Variants in TMTC2 observed in about 807,000 individuals in gnomAD.
TMTC2 encodes the protein protein O-mannosyl-transferase TMTC2.
In TMTC2, 43 loss-of-function variants were observed where a neutral mutation model predicts 82.4. The observed-to-expected ratio is 0.52, with a 90% CI of 0.41 to 0.67. TMTC2 has a LOEUF of 0.67. Ranked by LOEUF, TMTC2 falls within the 30% of genes least tolerant of loss-of-function variation. The pLI is 0.00. For missense variants in TMTC2, 919 were observed against 1,012.4 expected (o/e 0.91, Z 1.25); for synonymous variants, 408 against 381.9 (o/e 1.07, Z -0.80).
chr12:82,701,589 TAA>T (rs763176928), intron 1 of TMTC2, among the ~76,000 whole-genome samples: 20 of 91,878 alleles, frequency 2.2e-4, no homozygotes, highest in Admixed American at 3.7e-4. Flanking sequence ...CCGTCTTTAC[TAA>T]AAAAAAAAAA....
chr12:82,965,484 T>C, intron 5 of TMTC2, 76 bp from the exon 6 acceptor site: 2 of 1,517,754 alleles, frequency 1.3e-6, no homozygotes, highest in East Asian at 2.3e-5. Context: ...AGAAACCAAA[T>C]TGAAACAAAG....
chr12:83,085,031 T>G (rs1162117347), intron 11 of TMTC2, among the ~76,000 whole-genome samples: 1 of 152,056 alleles, frequency 6.6e-6, no homozygotes, highest in Non-Finnish European at 1.5e-5. Flanking sequence ...AGGTCCAGAG[T>G]GTTGACTGCA....
intron 1 of TMTC2, among the ~76,000 whole-genome samples, chr12:82,830,221 T>C (rs888713579): frequency 6.6e-6 from 1 of 152,196 alleles, no homozygotes; most frequent in African/African-American, 2.4e-5. Context: ...CAAATTAAAC[T>C]GCATTGTCTC....
At position 83,046,441 on chromosome 12, in the gene TMTC2, G is replaced by T. The variant is rs548051068; in HGVS notation, c.2153-4463G>T. On this transcript the variant is annotated intron_variant, in intron 9 of 11. Transcript: ENST00000321196. ...GGTTGGTGCCTTGCTCTCTATTTTA[G>T]TTCAAGTCCTCCAGGTCATTCTGTT... 1.1e-4 allele frequency among the ~76,000 whole-genome samples: 16 copies of T among 152,222 alleles called. No individual in the cohort carries two copies. In the East Asian group the frequency reaches 2.9e-3, roughly 28 times the overall value.
At chr12:82,709,004 G>A (rs574734919) in intron 1 of TMTC2, among the ~76,000 whole-genome samples, 10 of 151,952 alleles carry the variant, frequency 6.6e-5, no homozygotes, top group Non-Finnish European at 1.0e-4. Flanking sequence ...TGACAGACTC[G>A]TCTTCATGCT....
chr12:82,730,043 A>G (rs1253059166), intron 1 of TMTC2, among the ~76,000 whole-genome samples: 1 of 152,152 alleles, frequency 6.6e-6, no homozygotes, highest in Non-Finnish European at 1.5e-5. Context: ...ATATCTGAAC[A>G]TCAGAAGGAA....
chr12:82,937,750 GTATATATATA>G lies in TMTC2; in HGVS notation c.1598+7242_1598+7251del, dbSNP rs1162321741. 6.2e-3 allele frequency among the ~76,000 whole-genome samples: 661 copies of G among 105,868 alleles called. 9 individuals carry two copies. Among genetic ancestry groups the G allele is most frequent in the Non-Finnish European group, 8.8e-3 (473 of 53,778 alleles). 69.5% of individuals were successfully genotyped at this position (105,868 alleles called of 152,430 possible). A position where few individuals can be genotyped will look rare whatever the true frequency, so the allele number is the denominator to read the frequency against. On this transcript the variant is annotated intron_variant, in intron 4 of 11. Transcript: ENST00000321196. Reference sequence around the variant, plus strand: ...TGTGGATGTGTGTGTGTGTGTGTGTGTATATATATATATATATATATATATATATATATAT... The same window carrying G: ...TGTGGATGTGTGTGTGTGTGTGTGTGTATATATATATATATATATATATAT...
intron 8 of TMTC2, among the ~76,000 whole-genome samples, chr12:82,997,175 T>TCTC (rs150688624): frequency 2.6e-5 from 3 of 114,510 alleles, no homozygotes; most frequent in Non-Finnish European, 5.0e-5. Flanking sequence ...TCTCTCTCTC[T>TCTC]CCCACCCCTC....
At chr12:82,727,621 T>C (rs1009551521) in intron 1 of TMTC2, among the ~76,000 whole-genome samples, 1 of 151,786 alleles carries the variant, frequency 6.6e-6, no homozygotes, top group Non-Finnish European at 1.5e-5. Context: ...CTCGGGAGGC[T>C]GAGCCAGGAG....
At chr12:83,091,100 C>A (rs985371146) in intron 11 of TMTC2, among the ~76,000 whole-genome samples, 1 of 152,184 alleles carries the variant, frequency 6.6e-6, no homozygotes, top group Admixed American at 6.5e-5. Flanking sequence ...GCACATCATA[C>A]TTTGCCCTCA....
At chr12:82,929,884 C>T (rs1875932980) in intron 3 of TMTC2, among the ~76,000 whole-genome samples, 1 of 152,106 alleles carries the variant, frequency 6.6e-6, no homozygotes, top group African/African-American at 2.4e-5. Context: ...GGGAAGTGAG[C>T]TCATAAGCAG....
chr12:82,946,683 G>A (rs1200411495), intron 4 of TMTC2, among the ~76,000 whole-genome samples: 1 of 151,976 alleles, frequency 6.6e-6, no homozygotes, highest in Non-Finnish European at 1.5e-5. Context: ...GACAGATGGA[G>A]CCTTGTTCTA....
chr12:82,764,687 G>A (rs899483762), intron 1 of TMTC2, among the ~76,000 whole-genome samples: 46 of 152,196 alleles, frequency 3.0e-4, no homozygotes, highest in Admixed American at 1.5e-3. Context: ...ACACCACGCC[G>A]GGGAGACAGG....
chr12:82,694,296 C>T (rs1872698721), intron 1 of TMTC2, among the ~76,000 whole-genome samples: 1 of 150,796 alleles, frequency 6.6e-6, no homozygotes, highest in African/African-American at 2.4e-5. Context: ...TTATTCATGT[C>T]TAAAAAAATT....
chr12:82,735,552 A>G (rs532692121), intron 1 of TMTC2, among the ~76,000 whole-genome samples: 106 of 151,974 alleles, frequency 7.0e-4, no homozygotes, highest in Middle Eastern at 3.4e-3. Context: ...TCACTGTGTT[A>G]GCCAGGATGG....
chr12:82,941,376 G>A (rs1168230818), intron 4 of TMTC2, among the ~76,000 whole-genome samples: 1 of 152,128 alleles, frequency 6.6e-6, no homozygotes, highest in African/African-American at 2.4e-5. Flanking sequence ...TTCAAACTGT[G>A]TATATGTTAA....
chr12:82,735,842 C>T (rs1477022522), intron 1 of TMTC2, among the ~76,000 whole-genome samples: 1 of 151,860 alleles, frequency 6.6e-6, no homozygotes. Context: ...AAAAATTAGC[C>T]TGGCGTGGTG....
intron 11 of TMTC2, among the ~76,000 whole-genome samples, chr12:83,103,935 A>G (rs1172118886): frequency 1.4e-4 from 22 of 152,252 alleles, no homozygotes; most frequent in Non-Finnish European, 1.5e-5. Context: ...CAAAGGAGGT[A>G]TAGGCATTGC....
chr12:82,944,617 G>A (rs1244607008), intron 4 of TMTC2, among the ~76,000 whole-genome samples: 1 of 151,702 alleles, frequency 6.6e-6, no homozygotes. Flanking sequence ...ACCTAAAGTT[G>A]GCTTAAGGAG....
Sources: gnomAD v4.1 joint callset for allele counts (sites outside exome capture counted in the v4.1 genomes callset) on GRCh38, gnomAD v4.1.1 for gene constraint, MANE v1.5 for transcripts, NCBI Gene and HGNC (gene_info 2026-07-23, HGNC 2026-07-21) for gene names.